The following CCDC148 variants were observed in gnomAD, a reference collection of about 807,000 sequenced individuals.
CCDC148 encodes coiled-coil domain containing 148.
Under a neutral mutation model 85.7 loss-of-function variants are expected in CCDC148, and 89 were observed. The ratio of observed to expected loss-of-function variants is 1.04; its 90% CI spans 0.87 to 1.24. The LOEUF is 1.24. Among genes scored for constraint, CCDC148 ranks in the 50% most tolerant of loss-of-function variants. The pLI, the probability that CCDC148 is intolerant of heterozygous loss-of-function variation, is 0.00. For missense variants in CCDC148, 692 were observed against 671.7 expected (o/e 1.03, Z -0.33); for synonymous variants, 230 against 213.9 (o/e 1.08, Z -0.66).
chr2:158,273,835 G>A (rs1358369970), intron 9 of CCDC148, among the ~76,000 whole-genome samples: 1 of 152,056 alleles, frequency 6.6e-6, no homozygotes, highest in African/African-American at 2.4e-5. Flanking sequence ...GGTTCAGCAT[G>A]ATCTACCTTG....
At chr2:158,449,778 C>T (rs11688365) in intron 1 of CCDC148, among the ~76,000 whole-genome samples, 29,102 of 152,096 alleles carry the variant, frequency 0.19, 3,598 homozygotes, top group Middle Eastern at 0.32. Flanking sequence ...CAGACAGGTA[C>T]GTTCAAAGTG....
intron 1 of CCDC148, among the ~76,000 whole-genome samples, chr2:158,380,015 T>G (rs927519701): frequency 2.0e-5 from 3 of 152,080 alleles, no homozygotes; most frequent in African/African-American, 7.2e-5. Flanking sequence ...CTTGAACTCC[T>G]TGGCTCAAGC....
chr2:158,357,237 A>T (rs942099577), intron 2 of CCDC148, among the ~76,000 whole-genome samples: 1 of 151,260 alleles, frequency 6.6e-6, no homozygotes, highest in African/African-American at 2.4e-5. Flanking sequence ...AATAAAAAAT[A>T]AAAAAAAAGA....
At chr2:158,334,539 A>G (rs1693321997) in intron 7 of CCDC148, among the ~76,000 whole-genome samples, 1 of 68,952 alleles carries the variant, frequency 1.5e-5, no homozygotes, top group African/African-American at 6.8e-5. Context: ...TTTTATTTTT[A>G]TCTCATTCTT....
chr2:158,435,785 T>C (rs938016485), intron 1 of CCDC148, among the ~76,000 whole-genome samples: 26 of 152,030 alleles, frequency 1.7e-4, no homozygotes, highest in African/African-American at 6.3e-4. Flanking sequence ...GAGGAAGATC[T>C]ACCAAGAAAA....
At chr2:158,234,249 A>G (rs916103304) in intron 10 of CCDC148, among the ~76,000 whole-genome samples, 4 of 152,156 alleles carry the variant, frequency 2.6e-5, no homozygotes, top group African/African-American at 7.2e-5. Flanking sequence ...AACTCTCTAC[A>G]TGAGTAAGAA....
At chr2:158,324,766 T>G (rs1692686989) in intron 7 of CCDC148, among the ~76,000 whole-genome samples, 1 of 152,194 alleles carries the variant, frequency 6.6e-6, no homozygotes, top group African/African-American at 2.4e-5. Context: ...TTTTTAAATT[T>G]TCATTGCTTT....
At chr2:158,180,141 C>T (rs1684821881) in intron 11 of CCDC148, among the ~76,000 whole-genome samples, 1 of 152,144 alleles carries the variant, frequency 6.6e-6, no homozygotes. Context: ...TTCTCTGTGG[C>T]ATCAGTCACA....
intron 1 of CCDC148, among the ~76,000 whole-genome samples, chr2:158,453,824 G>A (rs547609024): frequency 9.2e-5 from 14 of 152,228 alleles, no homozygotes; most frequent in African/African-American, 2.2e-4. Flanking sequence ...GTTTACTTTC[G>A]TTCTTGAGGG....
At position 158,291,967 on chromosome 2, in the gene CCDC148, G is replaced by C. The variant is rs372184490; in HGVS notation, c.1110+17466C>G. 8.5e-5 allele frequency among the ~76,000 whole-genome samples: 13 copies of C among 152,282 alleles called. 2 individuals are homozygous for C. Among genetic ancestry groups the C allele is most frequent in the Admixed American group, 6.5e-4 (10 of 15,304 alleles). On this transcript the variant is annotated intron_variant, in intron 9 of 13. Transcript: ENST00000283233. ...AAATTCCATCTCTTGTGAAAGTAAA[G>C]AAATAGGCACAGAGCCCAGAAGAAT...
chr2:158,176,694 A>C, intron 12 of CCDC148, 33 bp from the exon 13 acceptor site: 1 of 1,608,874 alleles, frequency 6.2e-7, no homozygotes, highest in East Asian at 2.2e-5. Context: ...ACTTGGAACA[A>C]GGTACAAACT....
chr2:158,394,135 T>TTAC (rs1559117449), intron 1 of CCDC148, among the ~76,000 whole-genome samples: 5 of 151,922 alleles, frequency 3.3e-5, no homozygotes, highest in Admixed American at 6.6e-5. Flanking sequence ...CCACTGTCCA[T>TTAC]CAGTTTTGAG....
chr2:158,219,317 A>G (rs918882502), intron 11 of CCDC148, among the ~76,000 whole-genome samples: 2 of 152,196 alleles, frequency 1.3e-5, no homozygotes, highest in African/African-American at 4.8e-5. Context: ...GAGCTAGCTA[A>G]ATTAGATAAC....
chr2:158,255,549 T>G (rs1193454876), intron 9 of CCDC148, among the ~76,000 whole-genome samples: 4 of 151,652 alleles, frequency 2.6e-5, no homozygotes, highest in Non-Finnish European at 5.9e-5. Context: ...ATTATGGTAT[T>G]TTCAAGACGC....
intron 9 of CCDC148, among the ~76,000 whole-genome samples, chr2:158,266,854 C>CTGTG (rs147618414): frequency 6.7e-6 from 1 of 149,172 alleles, no homozygotes; most frequent in African/African-American, 2.5e-5. Context: ...GTGTGTGTGT[C>CTGTG]TGTGTGTGTG....
intron 10 of CCDC148, among the ~76,000 whole-genome samples, chr2:158,226,886 A>C (rs28869936): frequency 0.67 from 100,283 of 150,082 alleles, 34,407 homozygotes; most frequent in East Asian, 0.9. Flanking sequence ...TTCCCTTTGA[A>C]AACTGGCACA....
intron 9 of CCDC148, among the ~76,000 whole-genome samples, chr2:158,305,851 T>C (rs1287940431): frequency 6.6e-6 from 1 of 150,820 alleles, no homozygotes; most frequent in Non-Finnish European, 1.5e-5. Context: ...CAAGGCAACA[T>C]TAATCACCAA....
chr2:158,356,882 C>A (rs1683672248), intron 2 of CCDC148, among the ~76,000 whole-genome samples: 1 of 132,746 alleles, frequency 7.5e-6, no homozygotes, highest in African/African-American at 2.9e-5. Context: ...ACATATACAC[C>A]ATGGAATACT....
At chr2:158,403,321 TTTGTAAGA>T (rs1335035926) in intron 1 of CCDC148, among the ~76,000 whole-genome samples, 1 of 152,000 alleles carries the variant, frequency 6.6e-6, no homozygotes, top group East Asian at 1.9e-4. Flanking sequence ...AGTTTGTAAG[TTTGTAAGA>T]CTGGGGCTTT....
Sources: allele counts gnomAD v4.1 joint callset (sites outside exome capture counted in the v4.1 genomes callset), GRCh38; gene constraint gnomAD v4.1.1; transcripts MANE v1.5; gene names NCBI Gene and HGNC (gene_info 2026-07-23, HGNC 2026-07-21).